The following NF1 variants were observed in gnomAD, a reference collection of about 807,000 sequenced individuals.
NF1 encodes neurofibromin.
Under a neutral mutation model 325.7 loss-of-function variants are expected in NF1, and 122 were observed. The ratio of observed to expected loss-of-function variants is 0.37; its 90% confidence interval spans 0.32 to 0.44. The LOEUF is 0.44. Ranked by LOEUF, NF1 falls within the 20% of genes least tolerant of loss-of-function variation. The pLI is 1.00. For synonymous variants in NF1, 1,091 were observed against 1,186.0 expected (o/e 0.92, Z 1.65); for missense variants, 2,140 against 3,415.4 (o/e 0.63, Z 9.31).
At chr17:31,127,673 C>CCTCT (rs1915000714) in intron 1 of NF1, among the ~76,000 whole-genome samples, 1 of 151,248 alleles carries the variant, frequency 6.6e-6, no homozygotes, top group African/African-American at 2.4e-5. Flanking sequence ...CTCAGGTGAT[C>CCTCT]CTCTAGTCTC....
chr17:31,172,119 G>A (rs899928945), intron 5 of NF1, among the ~76,000 whole-genome samples: 1 of 152,094 alleles, frequency 6.6e-6, no homozygotes, highest in Non-Finnish European at 1.5e-5. Flanking sequence ...GGAAGCCGAG[G>A]CAGGAGGATT....
chr17:31,240,507 T>C (rs1402556445), intron 29 of NF1, among the ~76,000 whole-genome samples: 1 of 152,232 alleles, frequency 6.6e-6, no homozygotes, highest in Non-Finnish European at 1.5e-5. Context: ...TGCTTCCAAA[T>C]GTAGGCTATT....
Position 31,318,473 on chromosome 17 carries a change from C to T in NF1, c.4836-7347C>T, listed in dbSNP as rs145471718. 1.2e-5 allele frequency: 20 copies of T among 1,614,004 alleles called. No individual in the cohort carries two copies. The Admixed American group carries it at 3.2e-4, about 26-fold the overall frequency. Reference sequence around the variant, plus strand: ...CATAGACCGCTTGCCAGAAAATCGCCATTGCTTCTAGGCTGACGCTTGCCT... The same window carrying T: ...CATAGACCGCTTGCCAGAAAATCGCTATTGCTTCTAGGCTGACGCTTGCCT... On this transcript the variant is annotated intron_variant, in intron 36 of 57. Transcript: ENST00000358273.
chr17:31,312,256 T>A (rs999138897), intron 36 of NF1, among the ~76,000 whole-genome samples: 5 of 152,246 alleles, frequency 3.3e-5, no homozygotes, highest in African/African-American at 1.2e-4. Context: ...CTGCCTGTAA[T>A]CCCAGCACTT....
At chr17:31,174,904 T>A (rs2065991712) in intron 5 of NF1, among the ~76,000 whole-genome samples, 1 of 151,500 alleles carries the variant, frequency 6.6e-6, no homozygotes, top group South Asian at 2.1e-4. Flanking sequence ...AGGTCAGGAG[T>A]TCGAGACCAG....
intron 36 of NF1, among the ~76,000 whole-genome samples, chr17:31,271,306 T>C (rs958378975): frequency 1.3e-5 from 2 of 152,246 alleles, no homozygotes; most frequent in Non-Finnish European, 2.9e-5. Context: ...AATATCATTA[T>C]ACATTACAAA....
intron 36 of NF1, among the ~76,000 whole-genome samples, chr17:31,321,323 T>C (rs1445772541): frequency 6.6e-6 from 1 of 152,188 alleles, no homozygotes; most frequent in African/African-American, 2.4e-5. Context: ...AATTTTTTCA[T>C]TTCTAACTTA....
intron 8 of NF1, among the ~76,000 whole-genome samples, chr17:31,189,077 A>G (rs2066292607): frequency 6.6e-6 from 1 of 152,218 alleles, no homozygotes; most frequent in South Asian, 2.1e-4. Flanking sequence ...TAAATAAGCT[A>G]TAGATTCAGT....
intron 20 of NF1, among the ~76,000 whole-genome samples, chr17:31,228,229 G>T (rs1441229729): frequency 6.6e-6 from 1 of 152,182 alleles, no homozygotes; most frequent in Non-Finnish European, 1.5e-5. Context: ...TTAATGATCA[G>T]TTAGTGTTTG....
At chr17:31,197,075 C>A in intron 8 of NF1, among the ~76,000 whole-genome samples, 1 of 151,038 alleles carries the variant, frequency 6.6e-6, no homozygotes, top group Non-Finnish European at 1.5e-5. Flanking sequence ...GATGGAGTCT[C>A]GCTCTGTTGC....
intron 57 of NF1, among the ~76,000 whole-genome samples, chr17:31,362,137 A>G (rs183938367): frequency 2.0e-5 from 3 of 152,360 alleles, no homozygotes; most frequent in Non-Finnish European, 4.4e-5. Context: ...GAGCCCAGCC[A>G]GCAGTCAGTG....
intron 12 of NF1, among the ~76,000 whole-genome samples, chr17:31,209,945 G>A (rs2066697261): frequency 1.3e-5 from 2 of 152,256 alleles, no homozygotes; most frequent in South Asian, 2.1e-4. Flanking sequence ...ACTGTGCCTG[G>A]CCTCTTTTAG....
intron 36 of NF1, chr17:31,305,382 G>A: frequency 6.2e-7 from 1 of 1,614,176 alleles, no homozygotes; most frequent in Non-Finnish European, 8.5e-7. Flanking sequence ...GTCCAGCAGT[G>A]ACTTTGGCAG....
At chr17:31,319,052 T>C in intron 36 of NF1, 1 of 1,546,558 alleles carries the variant, frequency 6.5e-7, no homozygotes, top group Non-Finnish European at 8.7e-7. Flanking sequence ...AATTTGTTAG[T>C]TTGTGAAAGA....
At chr17:31,269,328 C>T (rs2067849841) in intron 36 of NF1, among the ~76,000 whole-genome samples, 2 of 152,162 alleles carry the variant, frequency 1.3e-5, no homozygotes. Flanking sequence ...ATCCAATATA[C>T]TTATGCTCTT....
chr17:31,152,372 A>T (rs1917005574), intron 1 of NF1, among the ~76,000 whole-genome samples: 1 of 151,488 alleles, frequency 6.6e-6, no homozygotes, highest in South Asian at 2.1e-4. Flanking sequence ...GTTTTCTTGA[A>T]TTCTAGTTTC....
At chr17:31,318,621 G>T (rs916455638) in intron 36 of NF1, 4 of 1,613,964 alleles carry the variant, frequency 2.5e-6, no homozygotes, top group Non-Finnish European at 3.4e-6. Flanking sequence ...TAGCCATGTT[G>T]TTGTTGTTTT....
intron 51 of NF1, among the ~76,000 whole-genome samples, chr17:31,354,419 G>A (rs1486577938): frequency 6.6e-6 from 1 of 152,152 alleles, no homozygotes; most frequent in Non-Finnish European, 1.5e-5. Context: ...TGGCATCATG[G>A]GGAATGGGGT....
chr17:31,279,829 C>T (rs2068083141), intron 36 of NF1, among the ~76,000 whole-genome samples: 2 of 152,134 alleles, frequency 1.3e-5, no homozygotes, highest in Non-Finnish European at 1.5e-5. Context: ...CATCTTTGAG[C>T]AAGTTTGTCT....
Sources: allele counts gnomAD v4.1 joint callset (sites outside exome capture counted in the v4.1 genomes callset), GRCh38; gene constraint gnomAD v4.1.1; transcripts MANE v1.5; gene names NCBI Gene and HGNC (gene_info 2026-07-23, HGNC 2026-07-21).